Variants in SEMA3E observed in about 807,000 individuals in gnomAD.
SEMA3E encodes semaphorin 3E.
SEMA3E carries 49 observed loss-of-function variants against 93.6 expected under a neutral mutation model. The ratio of observed to expected loss-of-function variants is 0.52; its 90% CI spans 0.42 to 0.66. SEMA3E has a LOEUF of 0.66. SEMA3E is among the 30% of genes least tolerant of loss of function. The probability of loss-of-function intolerance (pLI) is 0.00; values close to 1 mark genes in which losing one functional copy is unlikely to be tolerated. For synonymous variants in SEMA3E, 363 were observed against 330.7 expected (o/e 1.10, Z -1.06); for missense variants, 906 against 964.8 (o/e 0.94, Z 0.81).
intron 14 of SEMA3E, among the ~76,000 whole-genome samples, chr7:83,390,293 C>CTA (rs143343689): frequency 2.1e-5 from 3 of 141,852 alleles, no homozygotes; most frequent in East Asian, 4.1e-4. Flanking sequence ...CATATTTACA[C>CTA]TATATATATA....
intron 1 of SEMA3E, among the ~76,000 whole-genome samples, chr7:83,547,829 A>G (rs756038566): frequency 4.4e-4 from 67 of 152,078 alleles, no homozygotes; most frequent in Non-Finnish European, 7.9e-4. Flanking sequence ...GCAAGCAGCC[A>G]GACTCCAGTA....
chr7:83,564,519 T>TA (rs1391320185), intron 1 of SEMA3E, among the ~76,000 whole-genome samples: 1 of 152,244 alleles, frequency 6.6e-6, no homozygotes. Context: ...TAGTATATTT[T>TA]AAAAAGTTTT....
chr7:83,371,270 G>A (rs956326989), intron 16 of SEMA3E, among the ~76,000 whole-genome samples: 24 of 152,076 alleles, frequency 1.6e-4, no homozygotes, highest in African/African-American at 5.3e-4. Context: ...AAGTTACAGC[G>A]AAATGAAAAT....
intron 13 of SEMA3E, among the ~76,000 whole-genome samples, chr7:83,393,691 T>C (rs1004216235): frequency 2.0e-5 from 3 of 152,176 alleles, no homozygotes; most frequent in Admixed American, 6.6e-5. Context: ...TCCTTTTGCC[T>C]GAACATGAAG....
intron 1 of SEMA3E, among the ~76,000 whole-genome samples, chr7:83,506,105 C>T (rs1022430859): frequency 6.8e-5 from 10 of 147,820 alleles, no homozygotes; most frequent in Non-Finnish European, 1.3e-4. Context: ...GCCTTGGGTA[C>T]AAAAAAAGTA....
chr7:83,462,945 A>C (rs1268833795), intron 4 of SEMA3E, among the ~76,000 whole-genome samples: 3 of 106,594 alleles, frequency 2.8e-5, no homozygotes, highest in African/African-American at 8.4e-5. Flanking sequence ...TTGCACCCTT[A>C]ATCCCAGCCT....
intron 1 of SEMA3E, among the ~76,000 whole-genome samples, chr7:83,509,599 A>G (rs1790772734): frequency 6.6e-6 from 1 of 152,176 alleles, no homozygotes; most frequent in South Asian, 2.1e-4. Context: ...TTCAGTGTTC[A>G]GTGTGGGGGA....
At position 83,418,479 on chromosome 7, in the gene SEMA3E, G is replaced by A. The variant is rs766275559; in HGVS notation, c.461C>T (p.Pro154Leu). 1.9e-6 allele frequency: 3 copies of A among 1,609,010 alleles called. No individual in the cohort carries two copies. Among genetic ancestry groups the A allele is most frequent in the Non-Finnish European group, 2.5e-6 (3 of 1,177,028 alleles). The change falls in exon 5 of 17, where the codon CCT (proline) becomes CTT (leucine). Residue 154 changes from proline to leucine, a missense_variant. Physicochemically the swap from Pro to Leu is moderately conservative, Grantham distance 98. Coordinates refer to ENST00000643230, the MANE Select transcript of SEMA3E (RefSeq NM_012431.3). ...FIRVGYHLED[P>L]LFHLESPRSE... The stretch of plus-strand genomic sequence containing the variant: ...TCTGGGTGATTCCAGGTGAAACAGA[G>A]GATCCTTGAAAGAAAACCAGAAAAA...
chr7:83,561,896 G>A (rs1405367049), intron 1 of SEMA3E, among the ~76,000 whole-genome samples: 1 of 152,052 alleles, frequency 6.6e-6, no homozygotes, highest in Admixed American at 6.6e-5. Context: ...TCTAAAGATT[G>A]AGTTTTCAAA....
At chr7:83,429,462 G>T (rs920888423) in intron 4 of SEMA3E, among the ~76,000 whole-genome samples, 1 of 152,088 alleles carries the variant, frequency 6.6e-6, no homozygotes, top group Non-Finnish European at 1.5e-5. Flanking sequence ...GGTATGCCAC[G>T]GTGTCCTAGA....
In SEMA3E at chr7:83,407,212, A is replaced by T. The variant is rs1311449701; in HGVS notation, c.698T>A (p.Ile233Asn). 6.2e-7 allele frequency: 1 copy of T among 1,613,206 alleles called. No individual in the cohort carries two copies. Among genetic ancestry groups the T allele is most frequent in the African/African-American group, 1.3e-5 (1 of 74,904 alleles). The part of the protein sequence containing the change: ...KEPKFVGSYM[I>N]PDNEDRDDNK... Reference sequence around the variant, plus strand: ...GTCATCTCTGTCTTCATTGTCAGGAATCATGTATGAACCTACAAATTTTGG... The same window carrying T: ...GTCATCTCTGTCTTCATTGTCAGGATTCATGTATGAACCTACAAATTTTGG... The change falls in exon 7 of 17, where the codon ATT becomes AAT. Residue 233 changes from isoleucine (I) to asparagine (N), a missense_variant. Physicochemically the swap from Ile to Asn is moderately radical, Grantham distance 149 (BLOSUM62 -3). Coordinates refer to ENST00000643230, the MANE Select transcript of SEMA3E (RefSeq NM_012431.3).
chr7:83,407,994 C>G (rs1361632280), intron 6 of SEMA3E, among the ~76,000 whole-genome samples: 3 of 151,982 alleles, frequency 2.0e-5, no homozygotes, highest in Admixed American at 2.0e-4. Context: ...TAATGCAATC[C>G]TATTAAAACA....
intron 1 of SEMA3E, among the ~76,000 whole-genome samples, chr7:83,538,259 C>A (rs752348663): frequency 5.3e-5 from 8 of 152,048 alleles, no homozygotes; most frequent in Non-Finnish European, 8.8e-5. Flanking sequence ...CATTTGAGGA[C>A]CTGCCAGACT....
intron 5 of SEMA3E, among the ~76,000 whole-genome samples, chr7:83,411,939 G>A (rs1170117501): frequency 6.6e-6 from 1 of 152,166 alleles, no homozygotes; most frequent in Non-Finnish European, 1.5e-5. Flanking sequence ...TTTATATAGA[G>A]AAGAAAGAAT....
intron 12 of SEMA3E, 48 bp from the exon 13 acceptor site, chr7:83,394,386 A>G: frequency 6.8e-7 from 1 of 1,474,380 alleles, no homozygotes; most frequent in South Asian, 1.2e-5. Context: ...GTATAAAAAC[A>G]TTTACCTTAA....
At chr7:83,373,416 ATATT>A (rs536607166) in intron 16 of SEMA3E, among the ~76,000 whole-genome samples, 17 of 152,230 alleles carry the variant, frequency 1.1e-4, no homozygotes, top group Admixed American at 4.6e-4. Context: ...ATATGTATAT[ATATT>A]TATTTATTTT....
chr7:83,531,341 C>CT (rs144165250), intron 1 of SEMA3E, among the ~76,000 whole-genome samples: 9,123 of 67,768 alleles, frequency 0.13, 1,404 homozygotes, highest in African/African-American at 0.29. Flanking sequence ...TTGGAATATT[C>CT]TTTTTTTTTT....
At chr7:83,459,467 G>A (rs933767626) in intron 4 of SEMA3E, among the ~76,000 whole-genome samples, 7 of 152,144 alleles carry the variant, frequency 4.6e-5, no homozygotes, top group African/African-American at 1.4e-4. Flanking sequence ...ACATACACAC[G>A]TATATACATA....
intron 1 of SEMA3E, among the ~76,000 whole-genome samples, chr7:83,583,370 C>A (rs1295914077): frequency 1.3e-5 from 2 of 152,094 alleles, no homozygotes; most frequent in Non-Finnish European, 2.9e-5. Context: ...GGACTGGTAT[C>A]TTTCAAGATG....
Sources: gnomAD v4.1 joint callset for allele counts (sites outside exome capture counted in the v4.1 genomes callset) on GRCh38, gnomAD v4.1.1 for gene constraint, MANE v1.5 for transcripts, NCBI Gene and HGNC (gene_info 2026-07-23, HGNC 2026-07-21) for gene names.